Variants in POU6F2 observed in about 807,000 individuals in gnomAD.
POU6F2 encodes POU class 6 homeobox 2.
Under a neutral mutation model 71.3 loss-of-function variants are expected in POU6F2, and 31 were observed. That is an observed-to-expected ratio of 0.43 (90% CI 0.33 to 0.59). The LOEUF is 0.59. Among genes scored for constraint, POU6F2 ranks in the 20% least tolerant of loss-of-function variants. POU6F2 has a pLI of 0.04. For synonymous variants in POU6F2, 347 were observed against 355.7 expected, an observed-to-expected ratio of 0.98 and a Z score of 0.27; for missense variants, 783 against 856.8, an observed-to-expected ratio of 0.91 and a Z score of 1.07.
intron 4 of POU6F2, among the ~76,000 whole-genome samples, chr7:39,259,171 T>TCTGC (rs1583479772): frequency 6.6e-6 from 1 of 152,194 alleles, no homozygotes; most frequent in East Asian, 1.9e-4. Flanking sequence ...AGAGCCCAGT[T>TCTGC]CTGCCTCCAT....
At chr7:39,280,027 G>T (rs1451433254) in intron 4 of POU6F2, among the ~76,000 whole-genome samples, 3 of 152,042 alleles carry the variant, frequency 2.0e-5, no homozygotes, top group Non-Finnish European at 4.4e-5. Context: ...TTGTAGATGT[G>T]AGTCTCCGTG....
At chr7:39,017,897 C>A (rs1468971208) in intron 1 of POU6F2, among the ~76,000 whole-genome samples, 3 of 149,092 alleles carry the variant, frequency 2.0e-5, no homozygotes, top group African/African-American at 4.9e-5. Context: ...TTTATTGATT[C>A]TTCTGCATTT....
At chr7:39,107,070 A>C (rs542148814) in intron 2 of POU6F2, among the ~76,000 whole-genome samples, 1 of 146,980 alleles carries the variant, frequency 6.8e-6, no homozygotes, top group Non-Finnish European at 1.5e-5. Flanking sequence ...TTTTCAAACA[A>C]GGCCTACTCT....
Position 39,015,325 on chromosome 7 carries a change from A to G in POU6F2, c.105+37267A>G, listed in dbSNP as rs1393800156. Among the ~76,000 whole-genome samples the G allele has an allele frequency of 7.3e-5, 10 of 136,550 alleles. No homozygotes were observed. In the East Asian group the frequency reaches 2.1e-3, roughly 28 times the overall value. The allele number at this position is 136,550 out of a possible 152,430, so 89.6% of individuals were successfully genotyped here. A position where few individuals can be genotyped will look rare whatever the true frequency, so the allele number is the denominator to read the frequency against. On this transcript the variant is annotated intron_variant, in intron 1 of 9. Coordinates refer to ENST00000518318, the MANE Select transcript of POU6F2 (RefSeq NM_001370959.1). Reference sequence around the variant, plus strand: ...AATATCTATATATAATAATAGATATAATATATATTATAATATATAATAATA... The same window carrying G: ...AATATCTATATATAATAATAGATATGATATATATTATAATATATAATAATA...
At chr7:39,218,629 T>A (rs1440655115) in intron 4 of POU6F2, among the ~76,000 whole-genome samples, 1 of 152,056 alleles carries the variant, frequency 6.6e-6, no homozygotes, top group Non-Finnish European at 1.5e-5. Context: ...GGCACTATAG[T>A]AGGCACTCCA....
Position 39,124,108 on chromosome 7 carries a change from G to A in POU6F2, c.277+38077G>A, listed in dbSNP as rs374594954. Reference sequence around the variant, plus strand: ...GTCACCCCGGCTGGAGTGCAATGGCGCAATCTTGGCTCACTGCAACCTCCA... The same window carrying A: ...GTCACCCCGGCTGGAGTGCAATGGCACAATCTTGGCTCACTGCAACCTCCA... On this transcript the variant is annotated intron_variant, in intron 2 of 9. Coordinates refer to ENST00000518318, the MANE Select transcript of POU6F2 (RefSeq NM_001370959.1). Among the ~76,000 whole-genome samples, 208 of 146,880 alleles carry A rather than the reference G, an allele frequency of 1.4e-3. 3 individuals are homozygous for A. The South Asian group carries it at 0.024, about 17-fold the overall frequency.
chr7:39,461,299 C>T (rs1392701595), intron 9 of POU6F2, among the ~76,000 whole-genome samples: 1 of 152,134 alleles, frequency 6.6e-6, no homozygotes, highest in Non-Finnish European at 1.5e-5. Context: ...GAGAATCTGG[C>T]CTAACCTTGC....
intron 2 of POU6F2, among the ~76,000 whole-genome samples, chr7:39,154,832 A>C (rs2128735237): frequency 6.6e-6 from 1 of 152,302 alleles, no homozygotes; most frequent in African/African-American, 2.4e-5. Context: ...CTGTGAATCT[A>C]GGCAGAACCC....
intron 1 of POU6F2, chr7:39,005,033 C>T (rs1045863238): frequency 6.6e-6 from 1 of 152,278 alleles, no homozygotes; most frequent in African/African-American, 2.4e-5. Context: ...AGAGAAAGAA[C>T]AAACCCTATA....
chr7:38,986,936 A>C (rs1788478106), intron 1 of POU6F2, among the ~76,000 whole-genome samples: 2 of 152,160 alleles, frequency 1.3e-5, no homozygotes, highest in Admixed American at 6.6e-5. Flanking sequence ...ATAGATCTGC[A>C]TCCTTCTCTG....
intron 2 of POU6F2, 118 bp from the exon 3 acceptor site, chr7:39,204,117 T>A: frequency 2.4e-6 from 2 of 845,408 alleles, no homozygotes; most frequent in Admixed American, 4.0e-5. Context: ...GATAAGTGAT[T>A]TGAGCACTGG....
chr7:39,223,783 T>C (rs1444158382), intron 4 of POU6F2, among the ~76,000 whole-genome samples: 1 of 152,218 alleles, frequency 6.6e-6, no homozygotes, highest in Non-Finnish European at 1.5e-5. Context: ...AGCTACTCTC[T>C]CATCAGTTTG....
intron 2 of POU6F2, among the ~76,000 whole-genome samples, chr7:39,183,637 A>G (rs1793477856): frequency 6.6e-6 from 1 of 152,154 alleles, no homozygotes; most frequent in Admixed American, 6.5e-5. Context: ...CACTAACCAG[A>G]TCACCACCCT....
intron 2 of POU6F2, among the ~76,000 whole-genome samples, chr7:39,184,201 A>G (rs559395175): frequency 1.3e-5 from 2 of 152,366 alleles, no homozygotes; most frequent in East Asian, 1.9e-4. Context: ...CATAAAGATT[A>G]CAGTGACCCA....
At chr7:39,361,563 C>T (rs1157877795) in intron 5 of POU6F2, among the ~76,000 whole-genome samples, 3 of 152,198 alleles carry the variant, frequency 2.0e-5, no homozygotes, top group African/African-American at 7.2e-5. Context: ...AATATGATAG[C>T]CTTCAGGCTT....
chr7:39,315,446 C>T (rs1334437858), intron 4 of POU6F2, among the ~76,000 whole-genome samples: 1 of 152,130 alleles, frequency 6.6e-6, no homozygotes, highest in Non-Finnish European at 1.5e-5. Context: ...ATGAATGATC[C>T]ATAAACATTT....
chr7:39,338,184 G>A (rs1406962529), intron 4 of POU6F2, among the ~76,000 whole-genome samples: 1 of 152,186 alleles, frequency 6.6e-6, no homozygotes, highest in Non-Finnish European at 1.5e-5. Context: ...CAGAAGAAGA[G>A]ATCAGGCTCC....
At chr7:38,999,459 C>T (rs1788836195) in intron 1 of POU6F2, among the ~76,000 whole-genome samples, 1 of 152,152 alleles carries the variant, frequency 6.6e-6, no homozygotes, top group African/African-American at 2.4e-5. Flanking sequence ...ACTTGTACCC[C>T]TCAAGCATAT....
chr7:39,087,444 A>G (rs980187785), intron 2 of POU6F2, among the ~76,000 whole-genome samples: 2 of 152,104 alleles, frequency 1.3e-5, no homozygotes, highest in Admixed American at 1.3e-4. Flanking sequence ...GCCACCTCTG[A>G]CATGAATTTC....
Sources: gnomAD v4.1 joint callset for allele counts (sites outside exome capture counted in the v4.1 genomes callset) on GRCh38, gnomAD v4.1.1 for gene constraint, MANE v1.5 for transcripts, NCBI Gene and HGNC (gene_info 2026-07-23, HGNC 2026-07-21) for gene names.